WDFY3: variants seen among roughly 807,000 people sequenced by gnomAD.
WDFY3 encodes the protein WD repeat and FYVE domain containing 3.
A neutral mutation model predicts 409.6 loss-of-function variants in WDFY3; 66 were observed. The observed-to-expected ratio is 0.16, with a 90% CI of 0.13 to 0.20. WDFY3 has a LOEUF of 0.20. Among genes scored for constraint, WDFY3 ranks in the 10% least tolerant of loss-of-function variants. The pLI is 1.00. For synonymous variants in WDFY3, 1,521 were observed against 1,537.1 expected (o/e 0.99, Z 0.25); for missense variants, 3,031 against 4,298.1 (o/e 0.71, Z 8.24).
rs765218108 is a variant in WDFY3, at chr4:84,724,584, C to T, written c.7283G>A (p.Arg2428Gln). The T allele has an allele frequency of 1.9e-6, 3 of 1,605,622 alleles. No individual in the cohort carries two copies. Among genetic ancestry groups the T allele is most frequent in the South Asian group, 1.1e-5 (1 of 89,096 alleles). ...GTCATAACTTACGGCTCTTCTATAT[C>T]GAGCAGGTTTCTAAGAAATGACAAA... ...PDDIPQKKPARYRRAVSYDSK... is the reference protein window; with the variant it reads ...PDDIPQKKPAQYRRAVSYDSK... The change falls in exon 46 of 68, where the codon CGA becomes CAA. Residue 2428 changes from arginine (R) to glutamine (Q), a missense_variant. By Grantham distance (43) the Arg-to-Gln change is conservative (BLOSUM62 1). Coordinates refer to ENST00000295888, the MANE Select transcript of WDFY3 (RefSeq NM_014991.6).
intron 47 of WDFY3, among the ~76,000 whole-genome samples, 197 bp downstream of exon 47, chr4:84,721,212 T>C (rs1027836101): frequency 6.6e-6 from 1 of 152,332 alleles, no homozygotes; most frequent in East Asian, 1.9e-4. Flanking sequence ...TAAAATCTTA[T>C]GCTGTTTAAT....
chr4:84,948,429 G>GA lies in WDFY3; in HGVS notation c.-225-16067dup, dbSNP rs202171910. ...GATCAACAATACTTAATAGTATATA[G>GA]AAAAAAAAAGATACTTAGTAGTTCA... On this transcript the variant is annotated intron_variant, in intron 1 of 67. Transcript: ENST00000295888. 7.3e-3 allele frequency among the ~76,000 whole-genome samples: 1,097 copies of GA among 151,170 alleles called. 5 individuals are homozygous for GA. Among genetic ancestry groups the GA allele is most frequent in the Non-Finnish European group, 0.012 (787 of 67,724 alleles).
chr4:84,759,753 G>T (rs1310484815), intron 32 of WDFY3, among the ~76,000 whole-genome samples: 2 of 151,520 alleles, frequency 1.3e-5, no homozygotes, highest in Non-Finnish European at 2.9e-5. Flanking sequence ...TCTGCAAACA[G>T]GGACAATTTG....
chr4:84,816,853 A>G (rs986903898), intron 13 of WDFY3, among the ~76,000 whole-genome samples: 1 of 152,126 alleles, frequency 6.6e-6, no homozygotes, highest in Non-Finnish European at 1.5e-5. Flanking sequence ...TTAAGTGAAC[A>G]AAATCCATGT....
chr4:84,863,499 C>T (rs1760948650), intron 3 of WDFY3, among the ~76,000 whole-genome samples: 1 of 152,096 alleles, frequency 6.6e-6, no homozygotes, highest in African/African-American at 2.4e-5. Context: ...TTTCATATAC[C>T]TATTAGATAT....
At chr4:84,928,977 T>C (rs1044214912) in intron 2 of WDFY3, among the ~76,000 whole-genome samples, 1 of 152,184 alleles carries the variant, frequency 6.6e-6, no homozygotes, top group Non-Finnish European at 1.5e-5. Context: ...TCTCCTTGAA[T>C]GTGGGCTGGA....
At chr4:84,900,988 T>C (rs1226275259) in intron 2 of WDFY3, among the ~76,000 whole-genome samples, 1 of 152,204 alleles carries the variant, frequency 6.6e-6, no homozygotes, top group East Asian at 1.9e-4. Context: ...ATCAAGGCAA[T>C]GGCCGGTTCA....
chr4:84,930,168 G>A (rs1474418181), intron 2 of WDFY3, among the ~76,000 whole-genome samples: 1 of 152,034 alleles, frequency 6.6e-6, no homozygotes, highest in East Asian at 1.9e-4. Flanking sequence ...AATATATGTG[G>A]CAATAGATAA....
At chr4:84,677,168 G>A (rs1473649438) in intron 67 of WDFY3, 31 bp downstream of exon 67, 2 of 1,612,682 alleles carry the variant, frequency 1.2e-6, no homozygotes, top group East Asian at 2.2e-5. Context: ...CTTAATCAAT[G>A]TAAATTCAAA....
At chr4:84,951,177 CTTGT>C (rs1224850237) in intron 1 of WDFY3, among the ~76,000 whole-genome samples, 1 of 152,142 alleles carries the variant, frequency 6.6e-6, no homozygotes, top group African/African-American at 2.4e-5. Flanking sequence ...CATTTTATTA[CTTGT>C]TTATTTGAAT....
intron 1 of WDFY3, among the ~76,000 whole-genome samples, chr4:84,949,075 T>C (rs760428654): frequency 6.6e-6 from 1 of 152,256 alleles, no homozygotes; most frequent in East Asian, 1.9e-4. Flanking sequence ...AAGGTTAGAT[T>C]GACCTTAACA....
At chr4:84,932,617 GAGA>G (rs1303624671) in intron 1 of WDFY3, among the ~76,000 whole-genome samples, 1 of 152,116 alleles carries the variant, frequency 6.6e-6, no homozygotes, top group Non-Finnish European at 1.5e-5. Context: ...CTTTGACCTG[GAGA>G]AATTATGCAA....
At chr4:84,728,168 T>G (rs181040953) in intron 44 of WDFY3, among the ~76,000 whole-genome samples, 164 of 152,252 alleles carry the variant, frequency 1.1e-3, no homozygotes, top group Non-Finnish European at 1.1e-3. Context: ...CATATGAAAG[T>G]GAAGAAAACG....
intron 1 of WDFY3, among the ~76,000 whole-genome samples, chr4:84,955,145 G>C (rs193050507): frequency 1.2e-3 from 178 of 151,958 alleles, no homozygotes; most frequent in African/African-American, 4.3e-3. Context: ...AGAGGTTGCA[G>C]TGAGCTGAGA....
chr4:84,717,604 T>G (rs991321534), intron 48 of WDFY3, among the ~76,000 whole-genome samples: 2 of 152,140 alleles, frequency 1.3e-5, no homozygotes, highest in Non-Finnish European at 2.9e-5. Context: ...TTAACTTTCT[T>G]CTAGGTTGGT....
chr4:84,699,899 T>A (rs1327208497), intron 56 of WDFY3, among the ~76,000 whole-genome samples: 3 of 151,950 alleles, frequency 2.0e-5, no homozygotes, highest in African/African-American at 7.3e-5. Context: ...ATTTTCCAAC[T>A]GGGTTGTTTG....
rs1352296692 is a variant in WDFY3 at position 84,676,457 on chromosome 4, G to A, written c.10457+742C>T. Among the ~76,000 whole-genome samples the A allele has an allele frequency of 2.6e-5, 4 of 152,080 alleles. No individual in the cohort carries two copies. The East Asian group carries it at 5.8e-4, about 22-fold the overall frequency. ...GCACTACTGTTTTGAAGAGTAATTT[G>A]GCAATATCTAATTAAGATCAAGAAT... is the stretch of plus-strand genomic sequence containing the variant. On this transcript the variant is annotated intron_variant, in intron 67 of 67. Coordinates refer to ENST00000295888, the MANE Select transcript of WDFY3 (RefSeq NM_014991.6).
chr4:84,756,483 A>T (rs1343314827), intron 33 of WDFY3, among the ~76,000 whole-genome samples: 1 of 151,692 alleles, frequency 6.6e-6, no homozygotes, highest in Non-Finnish European at 1.5e-5. Context: ...TACTCAGGAG[A>T]CTGAGGTGGG....
At chr4:84,814,690 G>T (rs1753017590) in intron 13 of WDFY3, among the ~76,000 whole-genome samples, 1 of 152,026 alleles carries the variant, frequency 6.6e-6, no homozygotes, top group South Asian at 2.1e-4. Context: ...TTACTTAATA[G>T]TGGTCCCAAA....
Sources: allele counts gnomAD v4.1 joint callset (sites outside exome capture counted in the v4.1 genomes callset), GRCh38; gene constraint gnomAD v4.1.1; transcripts MANE v1.5; gene names NCBI Gene and HGNC (gene_info 2026-07-23, HGNC 2026-07-21).